The following GLI2 variants were observed in gnomAD, a reference collection of about 807,000 sequenced individuals.
GLI2 encodes transcription activator GLI2.
A neutral mutation model predicts 78.9 loss-of-function variants in GLI2; 22 were observed. The observed-to-expected ratio is 0.28, with a 90% CI of 0.20 to 0.40. The LOEUF is 0.40. GLI2 is among the 10% of genes least tolerant of loss of function. GLI2 has a pLI of 1.00. For synonymous variants in GLI2, 974 were observed against 963.7 expected, an observed-to-expected ratio of 1.01 and a Z score of -0.20; for missense variants, 2,097 against 2,213.2, an observed-to-expected ratio of 0.95 and a Z score of 1.05.
In GLI2 at chr2:120,962,041, C is replaced by T. The variant is rs555050528; in HGVS notation, c.643+6611C>T. Among the ~76,000 whole-genome samples, 4 of 152,276 alleles carry T rather than the reference C, an allele frequency of 2.6e-5. No homozygotes were observed. The East Asian group carries it at 5.8e-4, about 22-fold the overall frequency. ...CAGGCCGTGGGGGGATCCCCAGCCC[C>T]GATTCCATGCAAGTCCACCCACAGG... On this transcript the variant is annotated intron_variant, in intron 5 of 13. Transcript: ENST00000361492.
chr2:120,860,926 G>C (rs1051570929), intron 2 of GLI2, among the ~76,000 whole-genome samples: 1 of 152,190 alleles, frequency 6.6e-6, no homozygotes, highest in Non-Finnish European at 1.5e-5. Context: ...AAGGATTGTT[G>C]TGAAAATTAG....
At chr2:120,886,774 G>T (rs866770286) in intron 2 of GLI2, among the ~76,000 whole-genome samples, 3 of 152,202 alleles carry the variant, frequency 2.0e-5, no homozygotes, top group Non-Finnish European at 2.9e-5. Flanking sequence ...CTGGTGGGTG[G>T]ACCCAGGGCC....
chr2:120,979,265 CTGAGT>C (rs927803508), intron 10 of GLI2, among the ~76,000 whole-genome samples: 2 of 152,126 alleles, frequency 1.3e-5, no homozygotes, highest in African/African-American at 4.8e-5. Context: ...CAGCTCCCAG[CTGAGT>C]TATTTTTTTT....
At chr2:120,966,650 C>T (rs975176106) in intron 5 of GLI2, among the ~76,000 whole-genome samples, 3 of 152,234 alleles carry the variant, frequency 2.0e-5, no homozygotes, top group African/African-American at 4.8e-5. Flanking sequence ...TAGGTCTCCT[C>T]AGGGTTGCAG....
Position 120,989,109 on chromosome 2 carries a change from C to G in GLI2, c.3144C>G (p.Asp1048Glu). ...AGGACGACCTGGTGCTTCCAGACGA[C>G]GTGGTGCAGTACATCAAGGCGCACG... ...LPEDDLVLPD[D>E]VVQYIKAHAS... Residue 1048 changes from aspartate (D) to glutamate (E), a missense_variant, in exon 14 of 14, where the codon GAC (aspartate) becomes GAG (glutamate). This residue lies in a region of GLI2 where 1,290 missense variants were observed against 1,261.7 expected (regional missense o/e 1.02). Transcript: ENST00000361492. 1 of 1,612,800 alleles carries G rather than the reference C, an allele frequency of 6.2e-7. No homozygotes were observed. The highest frequency in any genetic ancestry group is 2.2e-5 in the East Asian group (1 of 44,868).
chr2:120,961,496 C>T (rs1055271129), intron 5 of GLI2, among the ~76,000 whole-genome samples: 5 of 152,164 alleles, frequency 3.3e-5, no homozygotes, highest in South Asian at 2.1e-4. Context: ...CAGACTGTCC[C>T]GCCACACCAG....
intron 2 of GLI2, among the ~76,000 whole-genome samples, chr2:120,866,210 G>C (rs1224462156): frequency 6.6e-6 from 1 of 152,202 alleles, no homozygotes; most frequent in East Asian, 1.9e-4. Context: ...GGTAGGGCTG[G>C]AGCTTGGCCA....
chr2:120,858,717 T>G (rs774908584), intron 2 of GLI2, among the ~76,000 whole-genome samples: 3 of 152,144 alleles, frequency 2.0e-5, no homozygotes, highest in Admixed American at 6.5e-5. Flanking sequence ...GAGCTGAGCA[T>G]GAGATGATGT....
chr2:120,805,293 C>T (rs766058300), intron 2 of GLI2, among the ~76,000 whole-genome samples: 8 of 152,316 alleles, frequency 5.3e-5, no homozygotes, highest in Admixed American at 6.5e-5. Context: ...TTGCAGAGAC[C>T]GGCACACATG....
chr2:120,808,144 G>A (rs2104719538), intron 2 of GLI2, among the ~76,000 whole-genome samples: 1 of 152,334 alleles, frequency 6.6e-6, no homozygotes, highest in Middle Eastern at 3.4e-3. Flanking sequence ...TTGAGAGGAA[G>A]TTTGGGTTTG....
chr2:120,887,149 G>A (rs893244634), intron 2 of GLI2, among the ~76,000 whole-genome samples: 2 of 152,160 alleles, frequency 1.3e-5, no homozygotes, highest in African/African-American at 4.8e-5. Context: ...ATGGCCAGAT[G>A]CCCTGCCTGA....
chr2:120,750,716 C>T (rs192867277), intron 1 of GLI2, among the ~76,000 whole-genome samples: 96 of 152,348 alleles, frequency 6.3e-4, no homozygotes, highest in African/African-American at 2.2e-3. Context: ...CACCATAGTT[C>T]CCATCTTGCT....
At position 120,871,638 on chromosome 2, in the gene GLI2, A is replaced by G. The variant is rs1688437935; in HGVS notation, c.149-55723A>G. Reference sequence around the variant, plus strand: ...TCCTGTTAGAGTAGCTAACCTCTAAATCTATTTAATACCTCTTCCCTGGTT... The same window carrying G: ...TCCTGTTAGAGTAGCTAACCTCTAAGTCTATTTAATACCTCTTCCCTGGTT... On this transcript the variant is annotated intron_variant, in intron 2 of 13. Coordinates refer to ENST00000361492, the MANE Select transcript of GLI2 (RefSeq NM_001374353.1). Among the ~76,000 whole-genome samples the G allele has an allele frequency of 2.0e-5, 3 of 152,332 alleles. No homozygotes were observed. In the East Asian group the frequency reaches 5.8e-4, roughly 29 times the overall value.
Position 120,968,772 on chromosome 2 carries a change from C to T in GLI2, c.702C>T (p.Ser234=). 1 of 1,613,692 alleles carries T rather than the reference C, an allele frequency of 6.2e-7. No individual in the cohort carries two copies. Among genetic ancestry groups the T allele is most frequent in the Non-Finnish European group, 8.5e-7 (1 of 1,179,938 alleles). ...TPRLSRKRAL[S]ISPLSDASLD... is the part of the protein sequence containing the mutation. ...GCCTGAGCCGCAAGCGGGCGCTGTCCATCTCCCCACTCTCAGACGCCAGCC... is the reference window on the plus strand; with the variant it reads ...GCCTGAGCCGCAAGCGGGCGCTGTCTATCTCCCCACTCTCAGACGCCAGCC... The change falls in exon 6 of 14, where the codon TCC becomes TCT. Residue 234 remains serine (S), a synonymous_variant. Transcript: ENST00000361492.
intron 6 of GLI2, 75 bp from the exon 7 acceptor site, chr2:120,970,318 C>A: frequency 1.2e-6 from 1 of 818,086 alleles, no homozygotes; most frequent in Non-Finnish European, 2.1e-6. Context: ...GCAAGGTTCT[C>A]TCTGTCCAGG....
intron 3 of GLI2, among the ~76,000 whole-genome samples, chr2:120,930,610 C>T (rs1679905210): frequency 6.6e-6 from 1 of 152,258 alleles, no homozygotes. Flanking sequence ...GGCCAAGCAG[C>T]AGCAGTGTCC....
At chr2:120,746,931 T>A (rs548931591) in intron 1 of GLI2, among the ~76,000 whole-genome samples, 16 of 152,318 alleles carry the variant, frequency 1.1e-4, no homozygotes, top group Admixed American at 9.8e-4. Flanking sequence ...ATAATTTTAT[T>A]AGTGTGATTT....
chr2:120,783,531 A>G (rs1013305380), intron 1 of GLI2, among the ~76,000 whole-genome samples: 5 of 151,206 alleles, frequency 3.3e-5, no homozygotes, highest in African/African-American at 1.2e-4. Context: ...TGTGTCTTGG[A>G]GAGAGTCATC....
intron 2 of GLI2, among the ~76,000 whole-genome samples, chr2:120,851,053 T>C (rs1233366076): frequency 3.3e-5 from 5 of 152,228 alleles, no homozygotes; most frequent in Non-Finnish European, 7.3e-5. Context: ...ATTTGTTCTT[T>C]AAAAAATCAT....
Sources: allele counts gnomAD v4.1 joint callset (sites outside exome capture counted in the v4.1 genomes callset), GRCh38; gene constraint gnomAD v4.1.1; regional missense constraint gnomAD v4.1.1; transcripts MANE v1.5; gene names NCBI Gene and HGNC (gene_info 2026-07-23, HGNC 2026-07-21).